Variants in DLG5 observed in about 807,000 individuals in gnomAD.
The protein encoded by DLG5 is discs large MAGUK scaffold protein 5, also known as disks large homolog 5.
DLG5 carries 48 observed loss-of-function variants against 189.8 expected under a neutral mutation model. The ratio of observed to expected loss-of-function variants is 0.25; its 90% CI spans 0.20 to 0.32. The LOEUF (loss-of-function observed/expected upper bound fraction) is 0.32. Among genes scored for constraint, DLG5 ranks in the 10% least tolerant of loss-of-function variants. DLG5 has a pLI of 1.00. For synonymous variants in DLG5, 1,016 were observed against 1,054.1 expected, an observed-to-expected ratio of 0.96 and a Z score of 0.70; for missense variants, 2,160 against 2,544.7, an observed-to-expected ratio of 0.85 and a Z score of 3.25.
rs1842372723 is a variant in DLG5, at chr10:77,821,741, G to A, written c.2743C>T (p.Pro915Ser). The A allele has an allele frequency of 1.7e-5, 27 of 1,609,634 alleles. No homozygotes were observed. Among genetic ancestry groups the A allele is most frequent in the Non-Finnish European group, 1.8e-5 (21 of 1,178,604 alleles). Residue 915 changes from proline (P) to serine (S), a missense_variant, in exon 15 of 32, where the codon CCA becomes TCA. Coordinates refer to ENST00000372391, the MANE Select transcript of DLG5 (RefSeq NM_004747.4). Reference protein sequence around the residue: ...FGLVDVRGRRPLLPFETEVGP... With the variant: ...FGLVDVRGRRSLLPFETEVGP... Reference sequence around the variant, plus strand: ...ACCTCGGTCTCAAAGGGCAGCAGTGGCCGCCGGCCACGCACGTCCACCAGC... The same window carrying A: ...ACCTCGGTCTCAAAGGGCAGCAGTGACCGCCGGCCACGCACGTCCACCAGC...
At chr10:77,812,407 C>T in intron 20 of DLG5, 30 bp from the exon 21 acceptor site, 1 of 1,596,624 alleles carries the variant, frequency 6.3e-7, no homozygotes, top group Non-Finnish European at 8.6e-7. Flanking sequence ...TTCGGGGACT[C>T]AGGGTCAAAC....
intron 5 of DLG5, among the ~76,000 whole-genome samples, 188 bp from the exon 6 acceptor site, chr10:77,843,894 A>G (rs1843554418): frequency 6.6e-6 from 1 of 152,112 alleles, no homozygotes. Context: ...GGGCTGATTC[A>G]TTTAGATTCA....
chr10:77,830,622 G>T, intron 10 of DLG5, 119 bp downstream of exon 10: 2 of 1,480,524 alleles, frequency 1.4e-6, no homozygotes, highest in Non-Finnish European at 1.8e-6. Flanking sequence ...TCACACTCCT[G>T]GGAGGAAAAG....
intron 9 of DLG5, 27 bp downstream of exon 9, chr10:77,833,887 C>T: frequency 6.2e-7 from 1 of 1,602,736 alleles, no homozygotes; most frequent in Non-Finnish European, 8.5e-7. Flanking sequence ...TGCATGCCCA[C>T]TCCAGCGGGT....
chr10:77,833,828 CA>C, intron 9 of DLG5, 85 bp downstream of exon 9: 3 of 1,554,678 alleles, frequency 1.9e-6, no homozygotes, highest in South Asian at 2.4e-5. Flanking sequence ...CTGGCCAATG[CA>C]CTCAGCATTG....
At chr10:77,842,304 G>A in intron 6 of DLG5, 111 bp from the exon 7 acceptor site, 1 of 1,329,670 alleles carries the variant, frequency 7.5e-7, no homozygotes, top group South Asian at 1.4e-5. Context: ...CAAGCGTGAA[G>A]TTTCAAGTGA....
At chr10:77,913,696 C>T (rs932424816) in intron 1 of DLG5, among the ~76,000 whole-genome samples, 4 of 152,152 alleles carry the variant, frequency 2.6e-5, no homozygotes, top group African/African-American at 9.7e-5. Flanking sequence ...TCAACCAATC[C>T]TCCCGCCTCA....
In DLG5 at chr10:77,830,759, T is replaced by C; in HGVS notation, c.1863A>G (p.Val621=). ...AGCTTACCGTCTCCCTCTCGAACTC[T>C]ACAACTTCCGTTTCCCACTCCATGG... ...TDSMEWETEV[V]EFERETEDID... The change falls in exon 10 of 32, where the codon GTA becomes GTG. Residue 621 remains valine (V), a synonymous_variant. Transcript: ENST00000372391. 6.2e-7 allele frequency: 1 copy of C among 1,614,198 alleles called. No homozygotes were observed. Among genetic ancestry groups the C allele is most frequent in the Non-Finnish European group, 8.5e-7 (1 of 1,180,024 alleles).
At chr10:77,853,264 G>T in intron 5 of DLG5, 90 bp downstream of exon 5, 1 of 1,234,296 alleles carries the variant, frequency 8.1e-7, no homozygotes, top group Non-Finnish European at 1.1e-6. Context: ...CAACGTGCCC[G>T]GCCCAGCATT....
At chr10:77,828,811 C>T in intron 13 of DLG5, 71 bp downstream of exon 13, 1 of 1,512,732 alleles carries the variant, frequency 6.6e-7, no homozygotes, top group Non-Finnish European at 9.1e-7. Context: ...CTCATTACTT[C>T]TTGCTCAAAC....
At chr10:77,858,170 C>T in intron 2 of DLG5, among the ~76,000 whole-genome samples, 1 of 152,276 alleles carries the variant, frequency 6.6e-6, no homozygotes, top group Non-Finnish European at 1.5e-5. Context: ...GGAACCCCAA[C>T]CACTTGACTC....
chr10:77,826,942 C>T (rs918034247), intron 13 of DLG5, among the ~76,000 whole-genome samples: 3 of 152,114 alleles, frequency 2.0e-5, no homozygotes, highest in Non-Finnish European at 4.4e-5. Context: ...AGTGATACTC[C>T]ATCTTAAAAA....
chr10:77,839,274 G>C (rs1843303068), intron 7 of DLG5, among the ~76,000 whole-genome samples: 1 of 152,184 alleles, frequency 6.6e-6, no homozygotes, highest in African/African-American at 2.4e-5. Context: ...GCCAAGGTGG[G>C]TGGATCACCT....
At chr10:77,939,999 C>A in the DLG5 span, among the ~76,000 whole-genome samples, 1 of 152,216 alleles carries the variant, frequency 6.6e-6, no homozygotes, top group Non-Finnish European at 1.5e-5. Context: ...CCATTGGCAA[C>A]CAAGTCCAGG....
chr10:77,910,115 C>G (rs1004635878), intron 1 of DLG5, among the ~76,000 whole-genome samples: 1 of 152,174 alleles, frequency 6.6e-6, no homozygotes, highest in Admixed American at 6.5e-5. Flanking sequence ...CAGAAAGCCC[C>G]CAGTGTGACA....
At position 77,822,129 on chromosome 10, in the gene DLG5, G is replaced by T. The variant is rs199613297; in HGVS notation, c.2383-28C>A. ...AGGCAGGGATTGCAGAGGAGTGAGA[G>T]AGAGAGTGAGATGGCAGGACTTGGA... On this transcript the variant is annotated intron_variant, in intron 14 of 31. Transcript: ENST00000372391. 20 of 1,585,990 alleles carry T rather than the reference G, an allele frequency of 1.3e-5. No individual in the cohort carries two copies. The East Asian group carries it at 2.0e-4, about 16-fold the overall frequency.
Position 77,926,666 on chromosome 10 carries a change from T to TG in DLG5, c.-147dup. The stretch of plus-strand genomic sequence containing the variant: ...GCCATGGGCCGGGGCCTGGGCGGGC[T>TG]GGGGGCCCGGGGCGGCGGGCGGCGC... On this transcript the variant is annotated 5_prime_UTR_variant, in exon 1 of 32. Coordinates refer to ENST00000372391, the MANE Select transcript of DLG5 (RefSeq NM_004747.4). The surrounding 1 kb of genome is among the most constrained non-coding windows in gnomAD (Gnocchi z 5.2). The TG allele has an allele frequency of 2.2e-6, 1 of 454,652 alleles. No individual in the cohort carries two copies. The highest frequency in any genetic ancestry group is 2.9e-6 in the Non-Finnish European group (1 of 344,776). 28.2% of individuals were successfully genotyped at this position (454,652 alleles called of 1,614,324 possible).
intron 26 of DLG5, 37 bp downstream of exon 26, chr10:77,806,721 C>T: frequency 5.3e-6 from 7 of 1,326,418 alleles, no homozygotes; most frequent in Non-Finnish European, 6.5e-6. Flanking sequence ...CTCGGCGACC[C>T]CTGCCCCACC....
At position 77,856,599 on chromosome 10, in the gene DLG5, G is replaced by A. The variant is rs192734298; in HGVS notation, c.536+131C>T. On this transcript the variant is annotated intron_variant, in intron 3 of 31. Transcript: ENST00000372391. ...GGGAAGCATTTCTGGACATGAGGTG[G>A]GGGAAAGGGGACACTCAGGCAGCGC... 1,752 of 1,195,314 alleles carry A rather than the reference G, an allele frequency of 1.5e-3. 18 individuals are homozygous for A. In the African/African-American group the frequency reaches 0.023, roughly 16 times the overall value. 74.0% of individuals were successfully genotyped at this position (1,195,314 alleles called of 1,614,324 possible).
Sources: gnomAD v4.1 joint callset for allele counts (sites outside exome capture counted in the v4.1 genomes callset) on GRCh38, gnomAD v4.1.1 for gene constraint, Gnocchi (gnomAD v3.1) non-coding constraint, MANE v1.5 for transcripts, NCBI Gene and HGNC (gene_info 2026-07-23, HGNC 2026-07-21) for gene names.